The following PCGF5 variants were observed in gnomAD, a reference collection of about 807,000 sequenced individuals.
The protein encoded by PCGF5 is polycomb group RING finger protein 5.
Under a neutral mutation model 44.3 loss-of-function variants are expected in PCGF5, and 9 were observed. That is an observed-to-expected ratio of 0.20 (90% confidence interval 0.12 to 0.35). The LOEUF (loss-of-function observed/expected upper bound fraction) is 0.35. Ranked by LOEUF, PCGF5 falls within the 10% of genes least tolerant of loss-of-function variation. The probability of loss-of-function intolerance (pLI) is 1.00; values close to 1 mark genes in which losing one functional copy is unlikely to be tolerated. For synonymous variants in PCGF5, 95 were observed against 102.5 expected, an observed-to-expected ratio of 0.93 and a Z score of 0.44; for missense variants, 146 against 305.3, an observed-to-expected ratio of 0.48 and a Z score of 3.89.
Position 91,261,389 on chromosome 10 carries a change from C to T in PCGF5, c.538C>T (p.Leu180=). ...AACTGTGGGAACTATTAAAAAATTTCTAAGTTTAAAACTAAAACTTCCAAG... is the reference window on the plus strand; with the variant it reads ...AACTGTGGGAACTATTAAAAAATTTTTAAGTTTAAAACTAAAACTTCCAAG... The part of the protein sequence containing the change: ...RVTVGTIKKF[L]SLKLKLPSSY... The change falls in exon 7 of 10, where the codon CTA becomes TTA. Residue 180 remains leucine (L), a synonymous_variant. Coordinates refer to ENST00000336126, the MANE Select transcript of PCGF5 (RefSeq NM_032373.5). The T allele has an allele frequency of 2.7e-6, 4 of 1,493,740 alleles. No individual in the cohort carries two copies. The highest frequency in any genetic ancestry group is 3.6e-6 in the Non-Finnish European group (4 of 1,105,074). The allele number at this position is 1,493,740 out of a possible 1,614,324, so 92.5% of individuals were successfully genotyped here. A position where few individuals can be genotyped will look rare whatever the true frequency, so the allele number is the denominator to read the frequency against.
At chr10:91,231,803 A>G (rs1347973990) in intron 2 of PCGF5, among the ~76,000 whole-genome samples, 6 of 152,238 alleles carry the variant, frequency 3.9e-5, no homozygotes, top group Admixed American at 2.0e-4. Flanking sequence ...CCATTGCAGT[A>G]ATCCAGGCAG....
chr10:91,263,768 G>A (rs546221265), intron 7 of PCGF5, among the ~76,000 whole-genome samples: 1 of 152,256 alleles, frequency 6.6e-6, no homozygotes, highest in South Asian at 2.1e-4. Flanking sequence ...TGTGCAAAGT[G>A]GGAAGAGGAT....
At chr10:91,196,970 C>T (rs1285016680) in intron 1 of PCGF5, among the ~76,000 whole-genome samples, 1 of 152,098 alleles carries the variant, frequency 6.6e-6, no homozygotes, top group Admixed American at 6.5e-5. Flanking sequence ...TCTTTTTATC[C>T]TGTGCATGAT....
chr10:91,182,199 T>C (rs1250191567), intron 1 of PCGF5, among the ~76,000 whole-genome samples: 2 of 152,038 alleles, frequency 1.3e-5, no homozygotes, highest in Non-Finnish European at 2.9e-5. Flanking sequence ...ATAGTTCCCG[T>C]AGGAATGGTC....
At chr10:91,172,795 T>C (rs1257931965) in intron 1 of PCGF5, among the ~76,000 whole-genome samples, 1 of 152,244 alleles carries the variant, frequency 6.6e-6, no homozygotes, top group Non-Finnish European at 1.5e-5. Context: ...CCTTAGTTTA[T>C]TGCTTTCACA....
At chr10:91,246,981 A>G (rs371321435) in intron 3 of PCGF5, among the ~76,000 whole-genome samples, 1 of 133,444 alleles carries the variant, frequency 7.5e-6, no homozygotes, top group African/African-American at 2.9e-5. Flanking sequence ...ATAGATAGAT[A>G]GATAGATAGA....
intron 3 of PCGF5, among the ~76,000 whole-genome samples, chr10:91,245,808 A>T (rs1426840877): frequency 6.6e-6 from 1 of 152,158 alleles, no homozygotes; most frequent in African/African-American, 2.4e-5. Flanking sequence ...TTGTCAGTCA[A>T]AATTAAGGAT....
intron 7 of PCGF5, 133 bp downstream of exon 7, chr10:91,261,557 T>G: frequency 8.7e-7 from 1 of 1,155,856 alleles, no homozygotes; most frequent in African/African-American, 1.5e-5. Context: ...TGTTAAAAAT[T>G]TAATTTTCAG....
At position 91,227,585 on chromosome 10, in the gene PCGF5, C is replaced by T. The variant is rs1844880310; in HGVS notation, c.112+4602C>T. On this transcript the variant is annotated intron_variant, in intron 2 of 9. Transcript: ENST00000336126. ...TCTCATTCAGATTCTTATTACATCT[C>T]ACCAAAGCCACTGCAGCACATTCTT... The T allele has an allele frequency of 6.8e-6, 8 of 1,174,868 alleles. 1 individual carries two copies. The South Asian group carries it at 1.3e-4, about 19-fold the overall frequency. 72.8% of individuals were successfully genotyped at this position (1,174,868 alleles called of 1,614,324 possible). A position where few individuals can be genotyped will look rare whatever the true frequency, so the allele number is the denominator to read the frequency against.
chr10:91,159,074 G>A (rs1166870037), upstream of PCGF5, among the ~76,000 whole-genome samples: 1 of 152,106 alleles, frequency 6.6e-6, no homozygotes, highest in South Asian at 2.1e-4. Context: ...AAAGATAACT[G>A]AGCACTTCTT....
chr10:91,232,379 AAAG>A (rs1168977606), intron 2 of PCGF5, among the ~76,000 whole-genome samples: 1 of 152,214 alleles, frequency 6.6e-6, no homozygotes, highest in Non-Finnish European at 1.5e-5. Flanking sequence ...AAAGGTGAAA[AAAG>A]AATGGGAAGA....
intron 6 of PCGF5, among the ~76,000 whole-genome samples, chr10:91,257,454 T>C (rs1383799080): frequency 6.6e-6 from 1 of 151,616 alleles, no homozygotes; most frequent in Non-Finnish European, 1.5e-5. Flanking sequence ...TATCCAGTAG[T>C]CCCCCCCTTA....
In PCGF5 at chr10:91,275,647, G is replaced by C. The variant is rs920768403; in HGVS notation, c.724-2622G>C. On this transcript the variant is annotated intron_variant, in intron 9 of 9. Transcript: ENST00000336126. ...TTTTTGTATTTTTAGTAGAGGCGGG[G>C]TTTCACCGTGTTGGCCAGGATGTTC... Among the ~76,000 whole-genome samples, 22 of 149,638 alleles carry C rather than the reference G, an allele frequency of 1.5e-4. No individual in the cohort carries two copies. The East Asian group carries it at 3.9e-3, about 27-fold the overall frequency.
intron 1 of PCGF5, among the ~76,000 whole-genome samples, chr10:91,185,865 C>A (rs1843914340): frequency 6.6e-6 from 1 of 152,044 alleles, no homozygotes; most frequent in Middle Eastern, 3.2e-3. Flanking sequence ...ATCATTTTGC[C>A]TTGCTTTTCT....
chr10:91,217,042 T>C (rs754782380), upstream of PCGF5, among the ~76,000 whole-genome samples: 1 of 151,728 alleles, frequency 6.6e-6, no homozygotes, highest in Non-Finnish European at 1.5e-5. Flanking sequence ...ATTTCACCTT[T>C]TTTTTTTGAG....
At chr10:91,219,459 G>C (rs72815411), upstream of PCGF5, among the ~76,000 whole-genome samples, 14,901 of 152,206 alleles carry the variant, frequency 0.098, 868 homozygotes, top group African/African-American at 0.14. Context: ...ACTAGAAGTA[G>C]TGTGATTTTT....
At chr10:91,183,671 T>C (rs1347773249) in intron 1 of PCGF5, among the ~76,000 whole-genome samples, 1 of 152,230 alleles carries the variant, frequency 6.6e-6, no homozygotes, top group African/African-American at 2.4e-5. Flanking sequence ...CACTGGTCTG[T>C]GTACTTCAGT....
At chr10:91,219,234 A>T (rs954460526), upstream of PCGF5, among the ~76,000 whole-genome samples, 1 of 152,176 alleles carries the variant, frequency 6.6e-6, no homozygotes, top group Non-Finnish European at 1.5e-5. Context: ...AACATATGTC[A>T]TCCTAAAACC....
intron 1 of PCGF5, among the ~76,000 whole-genome samples, chr10:91,169,395 CA>C (rs1843562648): frequency 6.6e-6 from 1 of 151,960 alleles, no homozygotes; most frequent in Non-Finnish European, 1.5e-5. Context: ...TCAACAACAA[CA>C]AAAAAACCTC....
Sources: gnomAD v4.1 joint callset for allele counts (sites outside exome capture counted in the v4.1 genomes callset) on GRCh38, gnomAD v4.1.1 for gene constraint, MANE v1.5 for transcripts, NCBI Gene and HGNC (gene_info 2026-07-23, HGNC 2026-07-21) for gene names.